The following RANBP17 variants were observed in gnomAD, a reference collection of about 807,000 sequenced individuals.
RANBP17 encodes ran-binding protein 17.
In RANBP17, 158 loss-of-function variants were observed where a neutral mutation model predicts 141.2. The ratio of observed to expected loss-of-function variants is 1.12; its 90% confidence interval spans 0.98 to 1.28. RANBP17 has a LOEUF of 1.28. Ranked by LOEUF, RANBP17 falls within the 50% of genes most tolerant of loss-of-function variation. RANBP17 has a pLI of 0.00. For missense variants in RANBP17, 1,438 were observed against 1,290.7 expected (o/e 1.11, Z -1.75); for synonymous variants, 430 against 450.0 (o/e 0.96, Z 0.56).
chr5:171,005,026 G>A (rs1183900527), intron 14 of RANBP17, among the ~76,000 whole-genome samples: 1 of 152,106 alleles, frequency 6.6e-6, no homozygotes, highest in Non-Finnish European at 1.5e-5. Flanking sequence ...GTACCTTGAA[G>A]GTGAGGTTGA....
intron 14 of RANBP17, among the ~76,000 whole-genome samples, chr5:171,166,615 G>T (rs904907977): frequency 6.6e-5 from 10 of 152,196 alleles, no homozygotes; most frequent in African/African-American, 2.4e-4. Context: ...TCATTGACCT[G>T]TGCTTGATGA....
At chr5:171,070,192 T>A (rs1434636039) in intron 14 of RANBP17, among the ~76,000 whole-genome samples, 3 of 152,178 alleles carry the variant, frequency 2.0e-5, no homozygotes, top group African/African-American at 7.2e-5. Context: ...ATGTTCTTAC[T>A]TGTAGGGCAC....
chr5:171,184,543 T>A (rs1042735210), intron 18 of RANBP17, among the ~76,000 whole-genome samples: 4 of 152,156 alleles, frequency 2.6e-5, no homozygotes, highest in Non-Finnish European at 5.9e-5. Context: ...AGATCTGTTG[T>A]ACGTAGATGG....
At chr5:171,271,138 A>G (rs1767094558) in intron 25 of RANBP17, 1 of 117,598 alleles carries the variant, frequency 8.5e-6, no homozygotes, top group Non-Finnish European at 1.6e-5. Context: ...GCATTTAACT[A>G]CAAATTGTGA....
At chr5:171,273,731 C>G (rs773973356) in intron 25 of RANBP17, among the ~76,000 whole-genome samples, 1 of 152,172 alleles carries the variant, frequency 6.6e-6, no homozygotes, top group Admixed American at 6.5e-5. Context: ...ACTAAGATCT[C>G]CCAGTGCATG....
At chr5:171,099,965 G>A (rs1179860254) in intron 14 of RANBP17, among the ~76,000 whole-genome samples, 2 of 152,166 alleles carry the variant, frequency 1.3e-5, no homozygotes, top group Non-Finnish European at 2.9e-5. Flanking sequence ...ACTTGATCGT[G>A]GTAGATAAGC....
chr5:171,097,608 T>TTTA (rs35948377), intron 14 of RANBP17, among the ~76,000 whole-genome samples: 10,550 of 141,320 alleles, frequency 0.075, 408 homozygotes, highest in East Asian at 0.15. Context: ...ATGTAGTCTT[T>TTTA]TTATTATTAT....
At chr5:170,975,682 C>G (rs1291786787) in intron 14 of RANBP17, among the ~76,000 whole-genome samples, 3 of 152,140 alleles carry the variant, frequency 2.0e-5, no homozygotes, top group African/African-American at 7.2e-5. Flanking sequence ...CCTTATAATT[C>G]TCTCCCAAAG....
At chr5:170,981,903 A>T (rs1777803982) in intron 14 of RANBP17, among the ~76,000 whole-genome samples, 1 of 152,150 alleles carries the variant, frequency 6.6e-6, no homozygotes, top group Non-Finnish European at 1.5e-5. Flanking sequence ...GATACCTTTG[A>T]ATGCTGCAGT....
intron 22 of RANBP17, among the ~76,000 whole-genome samples, chr5:171,224,274 T>TAGTATA (rs1763757728): frequency 1.3e-5 from 2 of 152,380 alleles, no homozygotes; most frequent in East Asian, 3.9e-4. Flanking sequence ...AAGAATCTCT[T>TAGTATA]AGTAATCAGT....
chr5:171,093,504 G>A (rs929613936), intron 14 of RANBP17, among the ~76,000 whole-genome samples: 2 of 152,090 alleles, frequency 1.3e-5, no homozygotes, highest in African/African-American at 4.8e-5. Flanking sequence ...CGTTGTATGT[G>A]GTAGCTTATG....
chr5:171,096,970 A>G (rs1786741847), intron 14 of RANBP17, among the ~76,000 whole-genome samples: 3 of 152,200 alleles, frequency 2.0e-5, no homozygotes, highest in African/African-American at 7.2e-5. Context: ...GAAGTTATTC[A>G]GTGTTGATTG....
chr5:171,127,187 C>T (rs1034275495), intron 14 of RANBP17, among the ~76,000 whole-genome samples: 1 of 152,108 alleles, frequency 6.6e-6, no homozygotes, highest in Non-Finnish European at 1.5e-5. Flanking sequence ...AATAAATGAA[C>T]GTGATACATC....
At chr5:170,978,428 A>G (rs182342389) in intron 14 of RANBP17, among the ~76,000 whole-genome samples, 2 of 152,292 alleles carry the variant, frequency 1.3e-5, no homozygotes, top group East Asian at 3.9e-4. Context: ...ATAATATCCA[A>G]GAACTGGGAA....
At chr5:170,989,002 A>C (rs2127561675) in intron 14 of RANBP17, among the ~76,000 whole-genome samples, 1 of 151,926 alleles carries the variant, frequency 6.6e-6, no homozygotes, top group South Asian at 2.1e-4. Flanking sequence ...GCTTAAAGTA[A>C]GATCATGTGT....
chr5:171,028,276 A>G, intron 14 of RANBP17, among the ~76,000 whole-genome samples: 1 of 152,094 alleles, frequency 6.6e-6, no homozygotes, highest in African/African-American at 2.4e-5. Flanking sequence ...CTAATATTGA[A>G]AGAAAAAAAT....
intron 14 of RANBP17, among the ~76,000 whole-genome samples, chr5:171,144,818 A>G (rs983236435): frequency 3.8e-4 from 58 of 152,296 alleles, no homozygotes; most frequent in African/African-American, 1.4e-3. Flanking sequence ...TCTTCTTTGG[A>G]TGTCATAGAC....
chr5:170,969,009 G>A (rs1417585649), intron 14 of RANBP17, among the ~76,000 whole-genome samples: 2 of 151,642 alleles, frequency 1.3e-5, no homozygotes, highest in South Asian at 2.1e-4. Flanking sequence ...GAAGTTCTAA[G>A]GATATTCTCA....
In RANBP17 at chr5:170,911,144, A is replaced by G. The variant is rs1771494408; in HGVS notation, c.760+10A>G. ...ACAACTTGGAGAACAAGTAAGAAAA[A>G]ACTTTGGTATGAAGGGTCATCAACA... On this transcript the variant is annotated intron_variant, in intron 7 of 27. Coordinates refer to ENST00000523189, the MANE Select transcript of RANBP17 (RefSeq NM_022897.5). 1 of 1,610,450 alleles carries G rather than the reference A, an allele frequency of 6.2e-7. No individual in the cohort carries two copies. The highest frequency in any genetic ancestry group is 8.5e-7 in the Non-Finnish European group (1 of 1,177,670).
Sources: gnomAD v4.1 joint callset for allele counts (sites outside exome capture counted in the v4.1 genomes callset) on GRCh38, gnomAD v4.1.1 for gene constraint, MANE v1.5 for transcripts, NCBI Gene and HGNC (gene_info 2026-07-23, HGNC 2026-07-21) for gene names.